SLC2A2: variants seen among roughly 807,000 people sequenced by gnomAD.
SLC2A2 encodes solute carrier family 2, facilitated glucose transporter member 2.
A neutral mutation model predicts 54.5 loss-of-function variants in SLC2A2; 36 were observed. The observed-to-expected ratio is 0.66, with a 90% CI of 0.51 to 0.87. SLC2A2 has a LOEUF of 0.87. Among genes scored for constraint, SLC2A2 ranks in the 40% least tolerant of loss-of-function variants. The pLI is 0.00. For missense variants in SLC2A2, 543 were observed against 624.3 expected, an observed-to-expected ratio of 0.87 and a Z score of 1.39; for synonymous variants, 223 against 219.1, an observed-to-expected ratio of 1.02 and a Z score of -0.16.
intron 1 of SLC2A2, among the ~76,000 whole-genome samples, chr3:171,025,483 AT>A (rs1716648745): frequency 6.6e-6 from 1 of 152,118 alleles, no homozygotes; most frequent in Admixed American, 6.6e-5. Context: ...AATATCCCAT[AT>A]TATATCACTG....
chr3:171,020,077 T>C (rs1158252766), intron 1 of SLC2A2, among the ~76,000 whole-genome samples: 2 of 152,172 alleles, frequency 1.3e-5, no homozygotes, highest in African/African-American at 4.8e-5. Flanking sequence ...CTCACTCTCT[T>C]AGTAGGTATG....
Position 171,009,943 on chromosome 3 carries a change from G to GTA in SLC2A2, c.496+14_496+15insTA. ...TGTGTGTGTGTGTGTGTGTGTGTGT[G>GTA]TGTGTGTGACTTACCACAATATAGT... On this transcript the variant is annotated intron_variant, in intron 4 of 10. Transcript: ENST00000314251. 6.3e-7 allele frequency: 1 copy of GTA among 1,581,444 alleles called. No homozygotes were observed. The highest frequency in any genetic ancestry group is 8.6e-7 in the Non-Finnish European group (1 of 1,162,732).
chr3:171,020,391 A>AT (rs1215082060), intron 1 of SLC2A2, among the ~76,000 whole-genome samples: 2 of 152,114 alleles, frequency 1.3e-5, no homozygotes, highest in Admixed American at 1.3e-4. Flanking sequence ...TGGGGTGGGG[A>AT]TAGGGAATCT....
chr3:171,025,680 T>C (rs1203906057), intron 1 of SLC2A2, among the ~76,000 whole-genome samples: 2 of 152,146 alleles, frequency 1.3e-5, no homozygotes, highest in Non-Finnish European at 1.5e-5. Flanking sequence ...CCATGCCATC[T>C]AATGACATGA....
At position 171,005,208 on chromosome 3, in the gene SLC2A2, A is replaced by G; in HGVS notation, c.963+77T>C. ...CAATACCTTAAAATATCTTTTAGCT[A>G]TTTAAACTTGTACCCCTTGCCTTCC... On this transcript the variant is annotated intron_variant, in intron 7 of 10. Transcript: ENST00000314251. 8.3e-6 allele frequency: 10 copies of G among 1,203,852 alleles called. 1 individual carries two copies. Among genetic ancestry groups the G allele is most frequent in the South Asian group, 7.3e-5 (6 of 82,674 alleles). The allele number at this position is 1,203,852 out of a possible 1,614,324, so 74.6% of individuals were successfully genotyped here.
At chr3:171,002,009 G>A (rs957785311) in intron 8 of SLC2A2, among the ~76,000 whole-genome samples, 1 of 151,568 alleles carries the variant, frequency 6.6e-6, no homozygotes, top group Non-Finnish European at 1.5e-5. Flanking sequence ...ATGCATCACC[G>A]GAAGCCACAA....
At chr3:171,005,775 G>T (rs1374318946) in intron 6 of SLC2A2, among the ~76,000 whole-genome samples, 168 bp downstream of exon 6, 1 of 151,922 alleles carries the variant, frequency 6.6e-6, no homozygotes, top group Non-Finnish European at 1.5e-5. Context: ...TTCTGGTTTC[G>T]GCTTAAGTGA....
intron 1 of SLC2A2, among the ~76,000 whole-genome samples, chr3:171,024,390 C>G (rs1212163888): frequency 1.3e-5 from 2 of 152,134 alleles, no homozygotes; most frequent in Admixed American, 1.3e-4. Flanking sequence ...GATTAAGGAG[C>G]ATACCTAACA....
intron 4 of SLC2A2, among the ~76,000 whole-genome samples, chr3:171,009,638 A>G (rs1715780562): frequency 6.6e-6 from 1 of 152,058 alleles, no homozygotes; most frequent in Non-Finnish European, 1.5e-5. Context: ...CAATCACCCT[A>G]TAAGGTAGAT....
At chr3:171,025,750 G>A (rs1433636096) in intron 1 of SLC2A2, among the ~76,000 whole-genome samples, 9 of 152,160 alleles carry the variant, frequency 5.9e-5, no homozygotes, top group Admixed American at 5.9e-4. Flanking sequence ...ACCCTACAGG[G>A]CACAGATTGA....
At chr3:171,004,587 T>C (rs1715497674) in intron 7 of SLC2A2, among the ~76,000 whole-genome samples, 1 of 139,476 alleles carries the variant, frequency 7.2e-6, no homozygotes, top group South Asian at 2.2e-4. Flanking sequence ...AGGGGAGAAG[T>C]GGTGTTTTTT....
intron 1 of SLC2A2, among the ~76,000 whole-genome samples, chr3:171,022,829 T>TCCCCTGTCGTCTCCATTAGTTCA (rs1716522461): frequency 6.6e-6 from 1 of 152,196 alleles, no homozygotes; most frequent in Admixed American, 6.5e-5. Context: ...GCACATGTAC[T>TCCCCTGTCGTCTCCATTAGTTCA]CCCCTGTCGT....
intron 8 of SLC2A2, among the ~76,000 whole-genome samples, chr3:171,001,503 C>G (rs1330421503): frequency 2.6e-5 from 4 of 151,962 alleles, no homozygotes; most frequent in Non-Finnish European, 5.9e-5. Context: ...GCCTTTTGAT[C>G]TGGGTAGCCA....
intron 1 of SLC2A2, among the ~76,000 whole-genome samples, chr3:171,020,800 C>T (rs1716424214): frequency 6.6e-6 from 1 of 151,846 alleles, no homozygotes; most frequent in Admixed American, 6.6e-5. Context: ...GGGAGGATTG[C>T]TTGAGCCCAG....
At chr3:171,005,508 G>C (rs1392496259) in intron 6 of SLC2A2, 36 bp from the exon 7 acceptor site, 1 of 1,551,976 alleles carries the variant, frequency 6.4e-7, no homozygotes, top group Non-Finnish European at 8.9e-7. Flanking sequence ...AACAACTCAG[G>C]CCAAAACAAA....
intron 3 of SLC2A2, 126 bp from the exon 4 acceptor site, chr3:171,010,208 G>C: frequency 1.0e-6 from 1 of 1,004,808 alleles, no homozygotes; most frequent in Non-Finnish European, 1.5e-6. Context: ...GTAAAAGCTA[G>C]TTGGGGAATC....
At chr3:171,006,801 A>G (rs189238877) in intron 5 of SLC2A2, among the ~76,000 whole-genome samples, 3 of 152,162 alleles carry the variant, frequency 2.0e-5, no homozygotes, top group Admixed American at 1.3e-4. Context: ...GAAGTTTTCT[A>G]TTTCTTGACA....
In SLC2A2 at chr3:170,996,398, A is replaced by T. The variant is rs1715073788; in HGVS notation, c.*1505T>A. ...GGACTGCTAAATTACATATATGTGA[A>T]CAACTTTAGAAAACAAAGCAAATGT... On this transcript the variant is annotated 3_prime_UTR_variant, in exon 11 of 11. Transcript: ENST00000314251. 2.6e-6 allele frequency: 1 copy of T among 385,882 alleles called. No homozygotes were observed. The highest frequency in any genetic ancestry group is 1.4e-4 in the South Asian group (1 of 6,916). 23.9% of individuals were successfully genotyped at this position (385,882 alleles called of 1,614,324 possible).
chr3:171,024,831 C>T (rs1716612120), intron 1 of SLC2A2, among the ~76,000 whole-genome samples: 1 of 152,150 alleles, frequency 6.6e-6, no homozygotes, highest in African/African-American at 2.4e-5. Context: ...TGGATAGATT[C>T]ACAAAGCTGA....
Sources: allele counts gnomAD v4.1 joint callset (sites outside exome capture counted in the v4.1 genomes callset), GRCh38; gene constraint gnomAD v4.1.1; transcripts MANE v1.5; gene names NCBI Gene and HGNC (gene_info 2026-07-23, HGNC 2026-07-21).